CCSER1: variants seen among roughly 807,000 people sequenced by gnomAD.
CCSER1 encodes the protein coiled-coil serine rich protein 1, also known as serine-rich coiled-coil domain-containing protein 1.
CCSER1 carries 41 observed loss-of-function variants against 82.0 expected under a neutral mutation model. That is an observed-to-expected ratio of 0.50 (90% CI 0.39 to 0.65). The LOEUF (loss-of-function observed/expected upper bound fraction) is 0.65, where lower values mean the gene tolerates loss of function less well. Ranked by LOEUF, CCSER1 falls within the 30% of genes least tolerant of loss-of-function variation. The pLI is 0.00. For synonymous variants in CCSER1, 414 were observed against 383.9 expected (o/e 1.08, Z -0.92); for missense variants, 1,119 against 1,064.2 (o/e 1.05, Z -0.72).
chr4:91,451,833 T>C (rs1011482745), intron 10 of CCSER1, among the ~76,000 whole-genome samples: 9 of 151,996 alleles, frequency 5.9e-5, no homozygotes, highest in African/African-American at 2.2e-4. Flanking sequence ...TAAGTAAAAA[T>C]GCAAAGTCCC....
chr4:90,742,116 G>A (rs77564630), intron 7 of CCSER1, among the ~76,000 whole-genome samples: 2,013 of 152,038 alleles, frequency 0.013, 51 homozygotes, highest in African/African-American at 0.046. Context: ...AGAGAAAAGG[G>A]GGAAGTGCTA....
chr4:90,455,520 A>C (rs1235924126), intron 4 of CCSER1, among the ~76,000 whole-genome samples: 1 of 152,172 alleles, frequency 6.6e-6, no homozygotes, highest in Non-Finnish European at 1.5e-5. Flanking sequence ...ACCCATCAGG[A>C]AAGAGGGGTA....
intron 1 of CCSER1, among the ~76,000 whole-genome samples, chr4:90,232,491 T>C (rs1185593255): frequency 6.6e-6 from 1 of 151,934 alleles, no homozygotes; most frequent in Non-Finnish European, 1.5e-5. Context: ...ATTAAAGACT[T>C]AAATGTTAGA....
intron 9 of CCSER1, among the ~76,000 whole-genome samples, chr4:91,034,199 G>A (rs1741236197): frequency 6.6e-6 from 1 of 152,186 alleles, no homozygotes. Context: ...AGTGAATGAT[G>A]TCTTACATTC....
intron 10 of CCSER1, among the ~76,000 whole-genome samples, chr4:91,486,324 T>A (rs1360827521): frequency 6.6e-6 from 1 of 152,090 alleles, no homozygotes; most frequent in African/African-American, 2.4e-5. Context: ...TGTAGTCCTC[T>A]TGGTAAAAGC....
At chr4:90,559,514 C>G (rs573893854) in intron 5 of CCSER1, among the ~76,000 whole-genome samples, 1 of 151,974 alleles carries the variant, frequency 6.6e-6, no homozygotes, top group Non-Finnish European at 1.5e-5. Context: ...GAAGTCCCTT[C>G]GGCTGACTCT....
chr4:91,551,939 G>A (rs1468486421), intron 10 of CCSER1, among the ~76,000 whole-genome samples: 1 of 151,600 alleles, frequency 6.6e-6, no homozygotes, highest in African/African-American at 2.4e-5. Flanking sequence ...TAAAGTAGAG[G>A]CAAAAGGGAG....
chr4:90,593,376 C>T, intron 5 of CCSER1, among the ~76,000 whole-genome samples: 1 of 152,000 alleles, frequency 6.6e-6, no homozygotes, highest in Admixed American at 6.6e-5. Flanking sequence ...AATGAAGCAA[C>T]AAAAGCAGAG....
rs79286421 is a variant in CCSER1, at chr4:90,962,996, A to G, written c.2172+39549A>G. ...ATTGTTCTAGTTTAGCAAAAAAAAAATCATGTTTTAAATCCGAATACCATT... is the reference window on the plus strand; with the variant it reads ...ATTGTTCTAGTTTAGCAAAAAAAAAGTCATGTTTTAAATCCGAATACCATT... On this transcript the variant is annotated intron_variant, in intron 9 of 10. Transcript: ENST00000509176. Among the ~76,000 whole-genome samples the G allele has an allele frequency of 5.9e-3, 891 of 152,290 alleles. 7 individuals carry two copies. Among genetic ancestry groups the G allele is most frequent in the Middle Eastern group, 0.041 (12 of 294 alleles).
intron 8 of CCSER1, among the ~76,000 whole-genome samples, chr4:90,912,946 T>C (rs1358491237): frequency 1.3e-5 from 2 of 151,966 alleles, no homozygotes; most frequent in African/African-American, 4.8e-5. Context: ...GAAAAAGGAA[T>C]GAAAAGAAAC....
chr4:91,507,551 A>G (rs965266765), intron 10 of CCSER1, among the ~76,000 whole-genome samples: 6 of 151,626 alleles, frequency 4.0e-5, no homozygotes, highest in Admixed American at 3.3e-4. Context: ...GCCTCTACGT[A>G]TCATTTTTGA....
intron 1 of CCSER1, among the ~76,000 whole-genome samples, chr4:90,170,354 C>T (rs534295965): frequency 6.6e-5 from 10 of 151,482 alleles, no homozygotes; most frequent in Admixed American, 2.0e-4. Flanking sequence ...GTTAAAGGAA[C>T]CTTGAAATAT....
intron 8 of CCSER1, among the ~76,000 whole-genome samples, chr4:90,854,338 A>G (rs1366608927): frequency 6.6e-6 from 1 of 152,220 alleles, no homozygotes; most frequent in Non-Finnish European, 1.5e-5. Flanking sequence ...TGGAATTAAT[A>G]GTATAGATTT....
At chr4:91,164,378 C>G (rs1277462595) in intron 10 of CCSER1, among the ~76,000 whole-genome samples, 1 of 152,128 alleles carries the variant, frequency 6.6e-6, no homozygotes, top group African/African-American at 2.4e-5. Context: ...TCCTTCATTT[C>G]AACCTTGGTG....
chr4:90,728,530 T>C (rs1214890718), intron 7 of CCSER1, among the ~76,000 whole-genome samples: 1 of 152,138 alleles, frequency 6.6e-6, no homozygotes, highest in East Asian at 1.9e-4. Flanking sequence ...GATAAATAAA[T>C]TGTTTCAAAA....
intron 3 of CCSER1, among the ~76,000 whole-genome samples, chr4:90,334,779 G>C (rs1162191766): frequency 6.6e-6 from 1 of 152,086 alleles, no homozygotes; most frequent in South Asian, 2.1e-4. Flanking sequence ...TTATATTTTG[G>C]CTATTTTTCT....
chr4:90,749,183 A>G (rs1196257715), intron 7 of CCSER1, among the ~76,000 whole-genome samples: 1 of 150,738 alleles, frequency 6.6e-6, no homozygotes, highest in African/African-American at 2.4e-5. Flanking sequence ...CTAACGTTTA[A>G]GTCTTTAATC....
chr4:90,951,675 A>T (rs1000826787), intron 9 of CCSER1, among the ~76,000 whole-genome samples: 1 of 152,104 alleles, frequency 6.6e-6, no homozygotes, highest in Admixed American at 6.6e-5. Flanking sequence ...AATGCTTTGC[A>T]TATACTGCAA....
In CCSER1 at chr4:90,797,442, T is replaced by C. The variant is rs137989692; in HGVS notation, c.2011-18320T>C. On this transcript the variant is annotated intron_variant, in intron 7 of 10. Transcript: ENST00000509176. ...TCTGATTCCTTATCCAGCTTGCCACTCGGTGCCTTTTAACTGGGGAATTTA... is the reference window on the plus strand; with the variant it reads ...TCTGATTCCTTATCCAGCTTGCCACCCGGTGCCTTTTAACTGGGGAATTTA... Among the ~76,000 whole-genome samples, 671 of 152,290 alleles carry C rather than the reference T, an allele frequency of 4.4e-3. 4 individuals are homozygous for C. Among genetic ancestry groups the C allele is most frequent in the African/African-American group, 0.015 (637 of 41,560 alleles).
Sources: allele counts gnomAD v4.1 joint callset (sites outside exome capture counted in the v4.1 genomes callset), GRCh38; gene constraint gnomAD v4.1.1; transcripts MANE v1.5; gene names NCBI Gene and HGNC (gene_info 2026-07-23, HGNC 2026-07-21).